PPP2R5D: variants seen among roughly 807,000 people sequenced by gnomAD.
PPP2R5D encodes the protein serine/threonine-protein phosphatase 2A 56 kDa regulatory subunit delta isoform.
Under a neutral mutation model 79.1 loss-of-function variants are expected in PPP2R5D, and 12 were observed. That is an observed-to-expected ratio of 0.15 (90% confidence interval 0.10 to 0.25). The LOEUF (loss-of-function observed/expected upper bound fraction) is 0.25. PPP2R5D is among the 10% of genes least tolerant of loss of function. PPP2R5D has a pLI of 1.00. For synonymous variants in PPP2R5D, 277 were observed against 286.6 expected (o/e 0.97, Z 0.34); for missense variants, 419 against 760.2 (o/e 0.55, Z 5.28).
At chr6:42,992,662 A>T (rs1331158764) in intron 2 of PPP2R5D, among the ~76,000 whole-genome samples, 1 of 152,138 alleles carries the variant, frequency 6.6e-6, no homozygotes, top group East Asian at 1.9e-4. Context: ...AAAAAATAAA[A>T]AATAAAAAAT....
chr6:43,008,640 T>G lies in PPP2R5D; in HGVS notation c.1027-53T>G. 2 of 1,580,136 alleles carry G rather than the reference T, an allele frequency of 1.3e-6. No individual in the cohort carries two copies. Among genetic ancestry groups the G allele is most frequent in the Non-Finnish European group, 1.7e-6 (2 of 1,149,724 alleles). On this transcript the variant is annotated intron_variant, in intron 9 of 15. Coordinates refer to ENST00000485511, the MANE Select transcript of PPP2R5D (RefSeq NM_006245.4). The surrounding 1 kb of genome is among the most constrained non-coding windows in gnomAD (Gnocchi z 4.2). Reference sequence around the variant, plus strand: ...ATCTTGTTTCTATCACTGACTTCTCTGAGAGCTTCTAGGACCTACACCTCA... The same window carrying G: ...ATCTTGTTTCTATCACTGACTTCTCGGAGAGCTTCTAGGACCTACACCTCA...
At position 43,008,815 on chromosome 6, in the gene PPP2R5D, G is replaced by C. The variant is rs893797341; in HGVS notation, c.1080+69G>C. The C allele has an allele frequency of 9.9e-5, 151 of 1,532,242 alleles. No homozygotes were observed. Among genetic ancestry groups the C allele is most frequent in the Non-Finnish European group, 1.2e-4 (138 of 1,113,138 alleles). The allele number at this position is 1,532,242 out of a possible 1,614,324, so 94.9% of individuals were successfully genotyped here. ...CATCACTTGCCAGTCTGTACCTACT[G>C]GGGGTGCCATAAGGGGGAACTCAGG... is the stretch of plus-strand genomic sequence containing the variant. On this transcript the variant is annotated intron_variant, in intron 10 of 15. Coordinates refer to ENST00000485511, the MANE Select transcript of PPP2R5D (RefSeq NM_006245.4). The surrounding 1 kb of genome is among the most constrained non-coding windows in gnomAD (Gnocchi z 4.2).
intron 15 of PPP2R5D, 27 bp downstream of exon 15, chr6:43,011,024 G>A: frequency 6.2e-7 from 1 of 1,609,692 alleles, no homozygotes; most frequent in Non-Finnish European, 8.5e-7. Flanking sequence ...GGGGGATGGA[G>A]CAGAAATAAT....
At chr6:42,993,253 C>T (rs748180196) in intron 2 of PPP2R5D, among the ~76,000 whole-genome samples, 3 of 150,650 alleles carry the variant, frequency 2.0e-5, no homozygotes, top group Non-Finnish European at 4.4e-5. Context: ...GCCGATATTG[C>T]ACCATTGCAA....
chr6:43,004,749 G>A (rs1437028348), intron 2 of PPP2R5D, among the ~76,000 whole-genome samples: 1 of 148,622 alleles, frequency 6.7e-6, no homozygotes, highest in Non-Finnish European at 1.5e-5. Context: ...GTATTACATA[G>A]TTTTCTTTTC....
chr6:43,001,602 G>A (rs1772212641), intron 2 of PPP2R5D, among the ~76,000 whole-genome samples: 1 of 151,900 alleles, frequency 6.6e-6, no homozygotes, highest in African/African-American at 2.4e-5. Flanking sequence ...TGCTTCTTTA[G>A]GGCTGGGCAC....
chr6:43,011,873 A>G lies in PPP2R5D; in HGVS notation c.*587A>G, dbSNP rs1281819853. 2 of 158,924 alleles carry G rather than the reference A, an allele frequency of 1.3e-5. No homozygotes were observed. The highest frequency in any genetic ancestry group is 4.8e-5 in the African/African-American group (2 of 41,502). 9.8% of individuals were successfully genotyped at this position (158,924 alleles called of 1,614,324 possible). On this transcript the variant is annotated 3_prime_UTR_variant, in exon 16 of 16. Transcript: ENST00000485511. The stretch of plus-strand genomic sequence containing the variant: ...GACCAAGGGAGGTCAAAAGGAGAAA[A>G]GTATAGGCTGTGGACAATAACTGAT...
In PPP2R5D at chr6:43,000,236, C is replaced by CTTTTTTTTTTTTTTTTTTTTTTTTT. The variant is rs1204045076; in HGVS notation, c.106-6208_106-6207insTTTTTTTTTTTTTTTTTTTTTTTTT. 6.6e-5 allele frequency among the ~76,000 whole-genome samples: 7 copies of CTTTTTTTTTTTTTTTTTTTTTTTTT among 106,018 alleles called. 1 individual carries two copies. Among genetic ancestry groups the CTTTTTTTTTTTTTTTTTTTTTTTTT allele is most frequent in the African/African-American group, 2.0e-4 (4 of 20,296 alleles). 69.6% of individuals were successfully genotyped at this position (106,018 alleles called of 152,430 possible). The stretch of plus-strand genomic sequence containing the variant: ...GGCGTGAGCCACCACGTCTGGCCAC[C>CTTTTTTTTTTTTTTTTTTTTTTTTT]TTTTTTTTTTTTTTTTTTTGAGATA... On this transcript the variant is annotated intron_variant, in intron 2 of 15. Transcript: ENST00000485511.
chr6:43,006,356 C>A lies in PPP2R5D; in HGVS notation c.106-107C>A. The A allele has an allele frequency of 1.4e-6, 2 of 1,477,332 alleles. No homozygotes were observed. The highest frequency in any genetic ancestry group is 1.8e-6 in the Non-Finnish European group (2 of 1,111,528). 91.5% of individuals were successfully genotyped at this position (1,477,332 alleles called of 1,614,324 possible). ...GCTCCTTCGGGGCAGGAGACAGCTGCTCACTGCCCAGGCCTGTGCAGGCAT... is the reference window on the plus strand; with the variant it reads ...GCTCCTTCGGGGCAGGAGACAGCTGATCACTGCCCAGGCCTGTGCAGGCAT... On this transcript the variant is annotated intron_variant, in intron 2 of 15. Coordinates refer to ENST00000485511, the MANE Select transcript of PPP2R5D (RefSeq NM_006245.4). The surrounding 1 kb of genome is among the most constrained non-coding windows in gnomAD (Gnocchi z 4.7).
In PPP2R5D at chr6:43,006,510, G is replaced by A; in HGVS notation, c.153G>A (p.Gln51=). Residue 51 remains glutamine (Q), a synonymous_variant, in exon 3 of 16, where the codon CAG becomes CAA. Transcript: ENST00000485511. The surrounding 1 kb of genome is among the most constrained non-coding windows in gnomAD (Gnocchi z 4.7). The part of the protein sequence containing the change: ...QPQPQPQAQS[Q]PPSSNKRPSN... ...AGCCCCAGCCCCAAGCCCAGTCTCA[G>A]CCACCGTCATCCAACAAGCGTCCCA... is the stretch of plus-strand genomic sequence containing the variant. 1 of 1,613,988 alleles carries A rather than the reference G, an allele frequency of 6.2e-7. No individual in the cohort carries two copies. The highest frequency in any genetic ancestry group is 8.5e-7 in the Non-Finnish European group (1 of 1,180,008).
chr6:42,992,249 TG>T (rs1239097305), intron 2 of PPP2R5D, among the ~76,000 whole-genome samples: 2 of 152,024 alleles, frequency 1.3e-5, no homozygotes, highest in Non-Finnish European at 2.9e-5. Context: ...TTAGTAGAGA[TG>T]GGGTTTCACC....
chr6:43,003,939 C>T (rs537011655), intron 2 of PPP2R5D, among the ~76,000 whole-genome samples: 12 of 150,474 alleles, frequency 8.0e-5, no homozygotes, highest in African/African-American at 2.7e-4. Context: ...TGGATGGTCT[C>T]GATCTCCTGA....
At chr6:42,987,825 G>A (rs554284301) in intron 1 of PPP2R5D, among the ~76,000 whole-genome samples, 55 of 152,204 alleles carry the variant, frequency 3.6e-4, no homozygotes, top group African/African-American at 1.2e-3. Flanking sequence ...GGTGGGTGGA[G>A]GGGTACAAAA....
Position 43,009,797 on chromosome 6 carries a change from T to G in PPP2R5D, c.1379+348T>G, listed in dbSNP as rs1762261842. On this transcript the variant is annotated intron_variant, in intron 12 of 15. Transcript: ENST00000485511. The surrounding 1 kb of genome is among the most constrained non-coding windows in gnomAD (Gnocchi z 5.6). ...TCCCAGGGTTTTAGGCCGGGCACGG[T>G]GTCTCACGCCTGTAATCCTAGCACT... Among the ~76,000 whole-genome samples, 1 of 152,174 alleles carries G rather than the reference T, an allele frequency of 6.6e-6. No homozygotes were observed. Among genetic ancestry groups the G allele is most frequent in the African/African-American group, 2.4e-5 (1 of 41,436 alleles).
At chr6:42,994,710 C>T (rs56831345) in intron 2 of PPP2R5D, among the ~76,000 whole-genome samples, 13,919 of 151,088 alleles carry the variant, frequency 0.092, 1,012 homozygotes, top group East Asian at 0.18. Flanking sequence ...CCCAGCTACT[C>T]GGGAGGCTGA....
intron 1 of PPP2R5D, among the ~76,000 whole-genome samples, chr6:42,989,205 T>A (rs528377409): frequency 2.2e-4 from 33 of 152,270 alleles, no homozygotes; most frequent in Admixed American, 2.0e-3. Context: ...CTCCCTGCAC[T>A]CCAGCATGAA....
intron 1 of PPP2R5D, among the ~76,000 whole-genome samples, chr6:42,985,913 A>G (rs1055283554): frequency 7.9e-5 from 12 of 151,680 alleles, no homozygotes; most frequent in African/African-American, 2.9e-4. Context: ...AAGTAGCTGG[A>G]ATTACAGGCA....
rs969982950 is a variant in PPP2R5D, at chr6:43,008,016, T to C, written c.808T>C (p.Leu270=). ...TILHRIYGKF[L]GLRAYIRRQI... Reference sequence around the variant, plus strand: ...TTTGCATCGCATCTATGGCAAGTTTTTGGGGCTCCGGGCTTATATCCGTAG... The same window carrying C: ...TTTGCATCGCATCTATGGCAAGTTTCTGGGGCTCCGGGCTTATATCCGTAG... The change falls in exon 7 of 16, where the codon TTG becomes CTG. Residue 270 remains leucine (L), a synonymous_variant. Transcript: ENST00000485511. This position sits in a 1 kb window ranked among gnomAD's most constrained non-coding sequence, Gnocchi z 4.2. 3.7e-5 allele frequency: 60 copies of C among 1,614,072 alleles called. No homozygotes were observed. The highest frequency in any genetic ancestry group is 5.0e-5 in the Non-Finnish European group (59 of 1,180,056).
chr6:43,003,738 GTATT>G (rs1236021388), intron 2 of PPP2R5D, among the ~76,000 whole-genome samples: 1 of 151,760 alleles, frequency 6.6e-6, no homozygotes, highest in Non-Finnish European at 1.5e-5. Context: ...ATGTATGTAT[GTATT>G]TATTTATTTT....
Sources: gnomAD v4.1 joint callset for allele counts (sites outside exome capture counted in the v4.1 genomes callset) on GRCh38, gnomAD v4.1.1 for gene constraint, Gnocchi (gnomAD v3.1) non-coding constraint, MANE v1.5 for transcripts, NCBI Gene and HGNC (gene_info 2026-07-23, HGNC 2026-07-21) for gene names.